Variants in EIF4EBP3 observed in about 807,000 individuals in gnomAD.
The protein encoded by EIF4EBP3 is eukaryotic translation initiation factor 4E binding protein 3.
Under a neutral mutation model 12.1 loss-of-function variants are expected in EIF4EBP3, and 11 were observed. The ratio of observed to expected loss-of-function variants is 0.91; its 90% CI spans 0.57 to 1.51. EIF4EBP3 has a LOEUF of 1.51. Among genes scored for constraint, EIF4EBP3 ranks in the 40% most tolerant of loss-of-function variants. The pLI is 0.00. For missense variants in EIF4EBP3, 136 were observed against 131.8 expected (o/e 1.03, Z -0.16); for synonymous variants, 43 against 54.2 (o/e 0.79, Z 0.91).
rs1561854321 is a variant in EIF4EBP3 at position 140,549,279 on chromosome 5, TG to T, written c.*19del. ...GACATCTAATCCAGTGCAGATGACC[TG>T]GCATGTGGAGTTACAGAGGGATCCC... On this transcript the variant is annotated 3_prime_UTR_variant, in exon 3 of 3. Transcript: ENST00000310331. 2.5e-6 allele frequency: 4 copies of T among 1,614,186 alleles called. No individual in the cohort carries two copies. In the South Asian group the frequency reaches 4.4e-5, roughly 18 times the overall value.
intron 1 of EIF4EBP3, among the ~76,000 whole-genome samples, chr5:140,548,359 T>C (rs142407617): frequency 6.6e-6 from 1 of 152,290 alleles, no homozygotes; most frequent in Non-Finnish European, 1.5e-5. Flanking sequence ...TTGAGGACAT[T>C]ATGCGGGCCA....
At chr5:140,547,898 T>G (rs1401020922) in intron 1 of EIF4EBP3, 58 bp downstream of exon 1, 6 of 1,332,094 alleles carry the variant, frequency 4.5e-6, no homozygotes, top group Non-Finnish European at 4.9e-6. Context: ...TGCGTGTTGT[T>G]GCGGGGCGGG....
chr5:140,547,963 C>CT, intron 1 of EIF4EBP3, 123 bp downstream of exon 1: 1 of 759,438 alleles, frequency 1.3e-6, no homozygotes, highest in South Asian at 2.7e-5. Flanking sequence ...CAGGTTGTAG[C>CT]TTTGGGGGAG....
Position 140,548,956 on chromosome 5 carries a change from C to T in EIF4EBP3, c.154C>T (p.Pro52Ser). Reference protein sequence around the residue: ...RKFLLECKNSPIARTPPCCLP... With the variant: ...RKFLLECKNSSIARTPPCCLP... Reference sequence around the variant, plus strand: ...GTTCCTGCTGGAGTGCAAGAACTCACCCATTGCCCGGACACCCCCCTGCTG... The same window carrying T: ...GTTCCTGCTGGAGTGCAAGAACTCATCCATTGCCCGGACACCCCCCTGCTG... The change falls in exon 2 of 3, where the codon CCC (proline) becomes TCC (serine). Residue 52 changes from proline to serine, a missense_variant. Pro to Ser is a moderately conservative substitution (Grantham distance 74, BLOSUM62 -1). Coordinates refer to ENST00000310331, the MANE Select transcript of EIF4EBP3 (RefSeq NM_003732.3). 6.2e-7 allele frequency: 1 copy of T among 1,614,182 alleles called. No homozygotes were observed. Among genetic ancestry groups the T allele is most frequent in the Non-Finnish European group, 8.5e-7 (1 of 1,180,022 alleles).
chr5:140,548,778 T>C (rs1754449971), intron 1 of EIF4EBP3, 128 bp from the exon 2 acceptor site: 4 of 1,317,794 alleles, frequency 3.0e-6, no homozygotes, highest in Non-Finnish European at 4.1e-6. Flanking sequence ...TCAGAGCCGA[T>C]GTCCTTTGAT....
intron 2 of EIF4EBP3, 32 bp from the exon 3 acceptor site, chr5:140,549,202 G>C (rs753112907): frequency 6.2e-7 from 1 of 1,614,228 alleles, no homozygotes; most frequent in Non-Finnish European, 8.5e-7. Context: ...CCTCAGACCA[G>C]CAACCTGTCT....
chr5:140,549,358 C>G lies in EIF4EBP3; in HGVS notation c.*96C>G. On this transcript the variant is annotated 3_prime_UTR_variant, in exon 3 of 3. Coordinates refer to ENST00000310331, the MANE Select transcript of EIF4EBP3 (RefSeq NM_003732.3). ...CTGGGGCATCCAAAGGCCAGCTGGCCTCATCTAATCTGGAAGGGAGTGACT... is the reference window on the plus strand; with the variant it reads ...CTGGGGCATCCAAAGGCCAGCTGGCGTCATCTAATCTGGAAGGGAGTGACT... 6.3e-7 allele frequency: 1 copy of G among 1,599,658 alleles called. No individual in the cohort carries two copies. The highest frequency in any genetic ancestry group is 8.6e-7 in the Non-Finnish European group (1 of 1,167,686).
At chr5:140,548,682 C>A (rs2037280072) in intron 1 of EIF4EBP3, among the ~76,000 whole-genome samples, 1 of 152,116 alleles carries the variant, frequency 6.6e-6, no homozygotes, top group Admixed American at 6.5e-5. Flanking sequence ...GCTGGGATGC[C>A]CCCCTTGCTT....
chr5:140,548,137 G>A (rs2127112031), intron 1 of EIF4EBP3, among the ~76,000 whole-genome samples: 1 of 152,356 alleles, frequency 6.6e-6, no homozygotes, highest in African/African-American at 2.4e-5. Context: ...TAGGAATAGG[G>A]GCCAGGGCCC....
Position 140,547,761 on chromosome 5 carries a change from G to A in EIF4EBP3, c.24G>A (p.Pro8=). 6.5e-7 allele frequency: 1 copy of A among 1,544,392 alleles called. No individual in the cohort carries two copies. The highest frequency in any genetic ancestry group is 8.7e-7 in the Non-Finnish European group (1 of 1,143,478). ...CTATGTCAACGTCCACTAGCTGCCC[G>A]ATTCCCGGGGGCCGGGACCAGCTGC... The part of the protein sequence containing the change: MSTSTSC[P]IPGGRDQLPD... The change falls in exon 1 of 3, where the codon CCG becomes CCA. Residue 8 remains proline, a synonymous_variant. Transcript: ENST00000310331.
chr5:140,547,911 TA>T (rs1266345931), intron 1 of EIF4EBP3, 71 bp downstream of exon 1: 1 of 1,268,194 alleles, frequency 7.9e-7, no homozygotes, highest in African/African-American at 1.6e-5. Context: ...GGGGCGGGGG[TA>T]GGGGAGGGAC....
At position 140,549,316 on chromosome 5, in the gene EIF4EBP3, G is replaced by A; in HGVS notation, c.*54G>A. ...TTACAGAGGGATCCCTCATGCCACT[G>A]CTGCCACCACCTCTTCCTGGGGCAT... is the stretch of plus-strand genomic sequence containing the variant. On this transcript the variant is annotated 3_prime_UTR_variant, in exon 3 of 3. Coordinates refer to ENST00000310331, the MANE Select transcript of EIF4EBP3 (RefSeq NM_003732.3). The A allele has an allele frequency of 1.2e-6, 2 of 1,613,918 alleles. No individual in the cohort carries two copies.
chr5:140,548,761 C>A, intron 1 of EIF4EBP3, 145 bp from the exon 2 acceptor site: 1 of 1,172,744 alleles, frequency 8.5e-7, no homozygotes, highest in Non-Finnish European at 1.2e-6. Context: ...GAGAACCTAG[C>A]TGGGCTTCAG....
Position 140,548,932 on chromosome 5 carries a change from T to A in EIF4EBP3, c.130T>A (p.Phe44Ile). Residue 44 changes from phenylalanine (F) to isoleucine (I), a missense_variant, in exon 2 of 3, where the codon TTC becomes ATC. Physicochemically the swap from Phe to Ile is conservative, Grantham distance 21. Coordinates refer to ENST00000310331, the MANE Select transcript of EIF4EBP3 (RefSeq NM_003732.3). ...GGTRIIYDRKFLLECKNSPIA... is the reference protein window; with the variant it reads ...GGTRIIYDRKILLECKNSPIA... The stretch of plus-strand genomic sequence containing the variant: ...CACCAGGATCATCTACGACCGAAAG[T>A]TCCTGCTGGAGTGCAAGAACTCACC... 6.2e-7 allele frequency: 1 copy of A among 1,613,870 alleles called. No individual in the cohort carries two copies.
rs767142842 is a variant in EIF4EBP3 at position 140,549,022 on chromosome 5, C to A, written c.220C>A (p.Pro74Thr). Reference sequence around the variant, plus strand: ...CGGGGTCACAACTCCTCCAACAGCCCCTCTCTCCAAGCTGGAGGAGCTGAA... The same window carrying A: ...CGGGGTCACAACTCCTCCAACAGCCACTCTCTCCAAGCTGGAGGAGCTGAA... Reference protein sequence around the residue: ...IPGVTTPPTAPLSKLEELKEQ... With the variant: ...IPGVTTPPTATLSKLEELKEQ... Residue 74 changes from proline (P) to threonine (T), a missense_variant, in exon 2 of 3, where the codon CCT becomes ACT. Physicochemically the swap from Pro to Thr is conservative, Grantham distance 38. Coordinates refer to ENST00000310331, the MANE Select transcript of EIF4EBP3 (RefSeq NM_003732.3). 3.7e-6 allele frequency: 6 copies of A among 1,614,012 alleles called. No individual in the cohort carries two copies. In the African/African-American group the frequency reaches 8.0e-5, roughly 22 times the overall value.
intron 1 of EIF4EBP3, 60 bp from the exon 2 acceptor site, chr5:140,548,846 A>AC: frequency 1.9e-6 from 3 of 1,554,144 alleles, no homozygotes; most frequent in Non-Finnish European, 2.6e-6. Context: ...TGAGTCTGGG[A>AC]CCCCAGTCAC....
At chr5:140,548,261 C>T (rs1754430828) in intron 1 of EIF4EBP3, among the ~76,000 whole-genome samples, 2 of 152,190 alleles carry the variant, frequency 1.3e-5, no homozygotes, top group Non-Finnish European at 1.5e-5. Context: ...TTTGGTTGGG[C>T]GAGCAGCCTG....
At position 140,549,082 on chromosome 5, in the gene EIF4EBP3, G is replaced by A. The variant is rs745942537; in HGVS notation, c.274+6G>A. 6.2e-7 allele frequency: 1 copy of A among 1,614,072 alleles called. No individual in the cohort carries two copies. Among genetic ancestry groups the A allele is most frequent in the Admixed American group, 1.7e-5 (1 of 60,022 alleles). ...GACAGAGGAAGAGATACCCGGTAAG[G>A]AAAGCAGGAATTAAGAATTGTCCCA... On this transcript the variant is annotated splice_donor_region_variant and intron_variant, in intron 2 of 2. Coordinates refer to ENST00000310331, the MANE Select transcript of EIF4EBP3 (RefSeq NM_003732.3).
chr5:140,548,891 C>T lies in EIF4EBP3; in HGVS notation c.104-15C>T, dbSNP rs761105993. 6.2e-7 allele frequency: 1 copy of T among 1,609,540 alleles called. No individual in the cohort carries two copies. Among genetic ancestry groups the T allele is most frequent in the South Asian group, 1.1e-5 (1 of 90,398 alleles). On this transcript the variant is annotated splice_polypyrimidine_tract_variant and intron_variant, in intron 1 of 2. Transcript: ENST00000310331. ...CAAGCTCCTGACTCTTACCTCAGTC[C>T]CAACCCCTTGACAGGCACCAGGATC...
Sources: allele counts gnomAD v4.1 joint callset (sites outside exome capture counted in the v4.1 genomes callset), GRCh38; gene constraint gnomAD v4.1.1; transcripts MANE v1.5; gene names NCBI Gene and HGNC (gene_info 2026-07-23, HGNC 2026-07-21).